EID2: variants seen among roughly 807,000 people sequenced by gnomAD.
EID2 encodes EP300-interacting inhibitor of differentiation 2.
EID2 carries 1 observed loss-of-function variant against 2.6 expected under a neutral mutation model. The observed-to-expected ratio is 0.39, with a 90% CI of 0.14 to 1.85. The LOEUF is 1.85. Among genes scored for constraint, EID2 ranks in the 40% most tolerant of loss-of-function variants. The pLI, the probability that EID2 is intolerant of heterozygous loss-of-function variation, is 0.32. For missense variants in EID2, 285 were observed against 338.4 expected (o/e 0.84, Z 1.24); for synonymous variants, 126 against 147.2 (o/e 0.86, Z 1.04).
Position 39,540,137 on chromosome 19 carries a change from C to T in EID2, c.-58G>A, listed in dbSNP as rs1481851171. The stretch of plus-strand genomic sequence containing the variant: ...GAGAAACTGGAATAACTGGACAGAG[C>T]GATGCCCGGCGGACACCCCAGTGCG... On this transcript the variant is annotated 5_prime_UTR_variant, in exon 1 of 1. Coordinates refer to ENST00000390658, the MANE Select transcript of EID2 (RefSeq NM_153232.4). 9 of 1,562,716 alleles carry T rather than the reference C, an allele frequency of 5.8e-6. No homozygotes were observed. Among genetic ancestry groups the T allele is most frequent in the Non-Finnish European group, 7.8e-6 (9 of 1,154,152 alleles).
At position 39,539,857 on chromosome 19, in the gene EID2, TG is replaced by T; in HGVS notation, c.222del (p.Arg75GlyfsTer75). On this transcript the variant is annotated frameshift_variant, in exon 1 of 1. Coordinates refer to ENST00000390658, the MANE Select transcript of EID2 (RefSeq NM_153232.4). LOFTEE classifies it low-confidence loss of function (END_TRUNC). Reference sequence around the variant, plus strand: ...GCCGCCGCTGCCACCGGGGCTCCCCTGGCTGCCGCCGCCGGGGCTGCCCTGG... The same window carrying T: ...GCCGCCGCTGCCACCGGGGCTCCCCTGCTGCCGCCGCCGGGGCTGCCCTGG... Reference protein sequence around the residue: ...AAARAAPAAAARGAPVAAAAL... With the variant: ...AAARAAPAAAXRGAPVAAAAL... 7.5e-7 allele frequency: 1 copy of T among 1,331,780 alleles called. No homozygotes were observed. Among genetic ancestry groups the T allele is most frequent in the South Asian group, 2.1e-5 (1 of 48,178 alleles). The allele number at this position is 1,331,780 out of a possible 1,614,324, so 82.5% of individuals were successfully genotyped here. A position where few individuals can be genotyped will look rare whatever the true frequency, so the allele number is the denominator to read the frequency against.
chr19:39,539,502 T>C lies in EID2; in HGVS notation c.578A>G (p.Asp193Gly). 1 of 1,614,270 alleles carries C rather than the reference T, an allele frequency of 6.2e-7. No homozygotes were observed. The highest frequency in any genetic ancestry group is 8.5e-7 in the Non-Finnish European group (1 of 1,180,052). Residue 193 changes from aspartate to glycine, a missense_variant, in exon 1 of 1, where the codon GAT becomes GGT. Coordinates refer to ENST00000390658, the MANE Select transcript of EID2 (RefSeq NM_153232.4). ...GTGAGGATTTCGCTGATATTCGGCA[T>C]CAAACGCTGCTTCCCTTGCTCTGCA... Reference protein sequence around the residue: ...EACRAREAAFDAEYQRNPHRV... With the variant: ...EACRAREAAFGAEYQRNPHRV...
Position 39,539,808 on chromosome 19 carries a change from C to T in EID2, c.272G>A (p.Gly91Asp). Residue 91 changes from glycine (G) to aspartate (D), a missense_variant, in exon 1 of 1, where the codon GGC (glycine) becomes GAC (aspartate). Coordinates refer to ENST00000390658, the MANE Select transcript of EID2 (RefSeq NM_153232.4). ...AAALARAAAA[G>D]RESPAAAAAR... is the part of the protein sequence containing the mutation. Reference sequence around the variant, plus strand: ...CGCCGCCGCCGCCGGGCTTTCCCTGCCCGCCGCGGCTGCCCTGGCCAACGC... The same window carrying T: ...CGCCGCCGCCGCCGGGCTTTCCCTGTCCGCCGCGGCTGCCCTGGCCAACGC... The T allele has an allele frequency of 2.6e-6, 4 of 1,563,200 alleles. No individual in the cohort carries two copies. Among genetic ancestry groups the T allele is most frequent in the Non-Finnish European group, 3.4e-6 (4 of 1,161,356 alleles).
Position 39,539,307 on chromosome 19 carries a change from C to A in EID2, c.*62G>T. On this transcript the variant is annotated 3_prime_UTR_variant, in exon 1 of 1. Transcript: ENST00000390658. The stretch of plus-strand genomic sequence containing the variant: ...CGATATACTCTTGACTTCTGAAAAT[C>A]AAGTTGCAGGATTGGTATGACTGGA... 1.4e-6 allele frequency: 2 copies of A among 1,469,278 alleles called. No homozygotes were observed. The highest frequency in any genetic ancestry group is 1.9e-6 in the Non-Finnish European group (2 of 1,066,542). The allele number at this position is 1,469,278 out of a possible 1,614,324, so 91.0% of individuals were successfully genotyped here. A position where few individuals can be genotyped will look rare whatever the true frequency, so the allele number is the denominator to read the frequency against.
Position 39,539,327 on chromosome 19 carries a change from A to T in EID2, c.*42T>A. On this transcript the variant is annotated 3_prime_UTR_variant, in exon 1 of 1. Coordinates refer to ENST00000390658, the MANE Select transcript of EID2 (RefSeq NM_153232.4). ...AAAATCAAGTTGCAGGATTGGTATG[A>T]CTGGAATGCAGAGGTTCTCTTGAAG... 1 of 1,551,632 alleles carries T rather than the reference A, an allele frequency of 6.4e-7. No homozygotes were observed. The highest frequency in any genetic ancestry group is 8.9e-7 in the Non-Finnish European group (1 of 1,128,826).
chr19:39,539,709 C>T lies in EID2; in HGVS notation c.371G>A (p.Arg124Lys), dbSNP rs1216134569. 2 of 1,613,834 alleles carry T rather than the reference C, an allele frequency of 1.2e-6. No individual in the cohort carries two copies. The highest frequency in any genetic ancestry group is 1.7e-6 in the Non-Finnish European group (2 of 1,180,000). Residue 124 changes from arginine (R) to lysine (K), a missense_variant, in exon 1 of 1, where the codon AGG becomes AAG. By Grantham distance (26) the Arg-to-Lys change is conservative. Coordinates refer to ENST00000390658, the MANE Select transcript of EID2 (RefSeq NM_153232.4). ...TCCGTTCCCGTGTCTGGACCTGGGC[C>T]TGCCCTCGGGACCCTCTTCGTCCAC... ...EPVDEEGPEG[R>K]PRSRHGNGGL...
chr19:39,539,368 A>C lies in EID2; in HGVS notation c.*1T>G, dbSNP rs188264868. On this transcript the variant is annotated 3_prime_UTR_variant, in exon 1 of 1. Coordinates refer to ENST00000390658, the MANE Select transcript of EID2 (RefSeq NM_153232.4). ...TCTCTTGAAGTAGTGTCACCACATA[A>C]CTATTCTCTATTGATAAACTTATCG... 3 of 1,611,914 alleles carry C rather than the reference A, an allele frequency of 1.9e-6. No homozygotes were observed. Among genetic ancestry groups the C allele is most frequent in the Non-Finnish European group, 2.5e-6 (3 of 1,178,144 alleles).
At position 39,539,695 on chromosome 19, in the gene EID2, G is replaced by A. The variant is rs766980168; in HGVS notation, c.385C>T (p.His129Tyr). ...AACGCAGCCAGGCCTCCGTTCCCGT[G>A]TCTGGACCTGGGCCTGCCCTCGGGA... Reference protein sequence around the residue: ...EGPEGRPRSRHGNGGLAALPY... With the variant: ...EGPEGRPRSRYGNGGLAALPY... The change falls in exon 1 of 1, where the codon CAC (histidine) becomes TAC (tyrosine). Residue 129 changes from histidine (H) to tyrosine (Y), a missense_variant. Physicochemically the swap from His to Tyr is moderately conservative, Grantham distance 83. Coordinates refer to ENST00000390658, the MANE Select transcript of EID2 (RefSeq NM_153232.4). The A allele has an allele frequency of 6.2e-7, 1 of 1,614,142 alleles. No individual in the cohort carries two copies. The highest frequency in any genetic ancestry group is 1.7e-5 in the Admixed American group (1 of 60,032).
At position 39,539,525 on chromosome 19, in the gene EID2, G is replaced by A. The variant is rs1184409881; in HGVS notation, c.555C>T (p.Cys185=). The change falls in exon 1 of 1, where the codon TGC becomes TGT. Residue 185 remains cysteine, a synonymous_variant. Transcript: ENST00000390658. The stretch of plus-strand genomic sequence containing the variant: ...CATCAAACGCTGCTTCCCTTGCTCT[G>A]CAGGCTTCCACGAATCGCCTGCGGC... The part of the protein sequence containing the change: ...EERRRRFVEA[C]RAREAAFDAE... 6.2e-7 allele frequency: 1 copy of A among 1,614,252 alleles called. No individual in the cohort carries two copies. The highest frequency in any genetic ancestry group is 1.1e-5 in the South Asian group (1 of 91,090).
chr19:39,540,124 T>A lies in EID2; in HGVS notation c.-45A>T. 6.3e-7 allele frequency: 1 copy of A among 1,579,666 alleles called. No individual in the cohort carries two copies. The highest frequency in any genetic ancestry group is 8.6e-7 in the Non-Finnish European group (1 of 1,164,374). The stretch of plus-strand genomic sequence containing the variant: ...TCGGCTGCTCCCAGAGAAACTGGAA[T>A]AACTGGACAGAGCGATGCCCGGCGG... On this transcript the variant is annotated 5_prime_UTR_variant, in exon 1 of 1. Coordinates refer to ENST00000390658, the MANE Select transcript of EID2 (RefSeq NM_153232.4).
rs754498911 is a variant in EID2, at chr19:39,539,584, T to C, written c.496A>G (p.Ile166Val). 7.4e-6 allele frequency: 12 copies of C among 1,614,182 alleles called. No individual in the cohort carries two copies. The highest frequency in any genetic ancestry group is 1.6e-4 in the Middle Eastern group (1 of 6,062). The change falls in exon 1 of 1, where the codon ATT becomes GTT. Residue 166 changes from isoleucine (I) to valine (V), a missense_variant. By Grantham distance (29) the Ile-to-Val change is conservative. Coordinates refer to ENST00000390658, the MANE Select transcript of EID2 (RefSeq NM_153232.4). The part of the protein sequence containing the change: ...FLRHYLENYP[I>V]APGRIQELEE... ...AGCTCTTGTATTCTGCCGGGAGCAA[T>C]CGGGTAATTTTCCAGATAGTGGCGG... is the stretch of plus-strand genomic sequence containing the variant.
rs1275322575 is a variant in EID2 at position 39,539,599 on chromosome 19, G to T, written c.481C>A (p.Leu161Met). The T allele has an allele frequency of 6.2e-7, 1 of 1,614,282 alleles. No homozygotes were observed. The highest frequency in any genetic ancestry group is 1.7e-5 in the Admixed American group (1 of 60,034). Reference protein sequence around the residue: ...INYQQFLRHYLENYPIAPGRI... With the variant: ...INYQQFLRHYMENYPIAPGRI... ...CCGGGAGCAATCGGGTAATTTTCCA[G>T]ATAGTGGCGGAGAAACTGCTGGTAA... The change falls in exon 1 of 1, where the codon CTG becomes ATG. Residue 161 changes from leucine (L) to methionine (M), a missense_variant. Coordinates refer to ENST00000390658, the MANE Select transcript of EID2 (RefSeq NM_153232.4).
rs1972049287 is a variant in EID2, at chr19:39,538,785, T to C, written c.*584A>G. 1 of 152,126 alleles carries C rather than the reference T, an allele frequency of 6.6e-6. No homozygotes were observed. The allele number at this position is 152,126 out of a possible 1,614,324, so 9.4% of individuals were successfully genotyped here. A position where few individuals can be genotyped will look rare whatever the true frequency, so the allele number is the denominator to read the frequency against. On this transcript the variant is annotated 3_prime_UTR_variant, in exon 1 of 1. Coordinates refer to ENST00000390658, the MANE Select transcript of EID2 (RefSeq NM_153232.4). ...CAAAAAAACTTTAAAAATTAAAAAT[T>C]GAAAGAAAAAAGTCCAGAAATTTGA...
rs141893929 is a variant in EID2, at chr19:39,539,186, A to C, written c.*183T>G. On this transcript the variant is annotated 3_prime_UTR_variant, in exon 1 of 1. Transcript: ENST00000390658. ...AAACTCAAAGAACGTTACAGTTATA[A>C]TGCTTTCGACATTTTTTTCTACTTC... The C allele has an allele frequency of 3.4e-6, 2 of 591,896 alleles. No individual in the cohort carries two copies. Among genetic ancestry groups the C allele is most frequent in the East Asian group, 5.8e-5 (2 of 34,760 alleles). The allele number at this position is 591,896 out of a possible 1,614,324, so 36.7% of individuals were successfully genotyped here.
In EID2 at chr19:39,539,665, A is replaced by C. The variant is rs780114375; in HGVS notation, c.415T>G (p.Tyr139Asp). The change falls in exon 1 of 1, where the codon TAT becomes GAT. Residue 139 changes from tyrosine (Y) to aspartate (D), a missense_variant. Physicochemically the swap from Tyr to Asp is radical, Grantham distance 160. Coordinates refer to ENST00000390658, the MANE Select transcript of EID2 (RefSeq NM_153232.4). The stretch of plus-strand genomic sequence containing the variant: ...CTAAGTGGGTGGCGGAGACGGAGAT[A>C]GGGCAACGCAGCCAGGCCTCCGTTC... ...HGNGGLAALP[Y>D]LRLRHPLSVL... 1.2e-5 allele frequency: 19 copies of C among 1,614,112 alleles called. No individual in the cohort carries two copies. The highest frequency in any genetic ancestry group is 1.6e-5 in the Non-Finnish European group (19 of 1,180,040).
rs762351467 is a variant in EID2, at chr19:39,540,142, C to T, written c.-63G>A. 27 of 1,558,752 alleles carry T rather than the reference C, an allele frequency of 1.7e-5. No individual in the cohort carries two copies. Among genetic ancestry groups the T allele is most frequent in the African/African-American group, 9.9e-5 (7 of 71,030 alleles). On this transcript the variant is annotated 5_prime_UTR_variant, in exon 1 of 1. Transcript: ENST00000390658. Reference sequence around the variant, plus strand: ...ACTGGAATAACTGGACAGAGCGATGCCCGGCGGACACCCCAGTGCGCGTGC... The same window carrying T: ...ACTGGAATAACTGGACAGAGCGATGTCCGGCGGACACCCCAGTGCGCGTGC...
Position 39,539,156 on chromosome 19 carries a change from A to G in EID2, c.*213T>C, listed in dbSNP as rs1972052406. On this transcript the variant is annotated 3_prime_UTR_variant, in exon 1 of 1. Coordinates refer to ENST00000390658, the MANE Select transcript of EID2 (RefSeq NM_153232.4). ...AATGCAGGGGGAAAAATGTGGATCA[A>G]TCACAAACTCAAAGAACGTTACAGT... 1.2e-5 allele frequency: 6 copies of G among 504,596 alleles called. No individual in the cohort carries two copies. In the East Asian group the frequency reaches 2.0e-4, roughly 17 times the overall value. The allele number at this position is 504,596 out of a possible 1,614,324, so 31.3% of individuals were successfully genotyped here.
rs1207855910 is a variant in EID2, at chr19:39,539,936, C to T, written c.144G>A (p.Ala48=). The change falls in exon 1 of 1, where the codon GCG becomes GCA. Residue 48 remains alanine, a synonymous_variant. Transcript: ENST00000390658. ...CCGGCACCGGGCCTCCCCTGGCCGC[C>T]GCCATCGCGCCTTCCCCGGCCTCCT... is the stretch of plus-strand genomic sequence containing the variant. ...QPEEAGEGAM[A]AARGGPVPAA... 1.3e-6 allele frequency: 2 copies of T among 1,513,220 alleles called. No individual in the cohort carries two copies. The highest frequency in any genetic ancestry group is 2.9e-5 in the African/African-American group (2 of 70,152). The allele number at this position is 1,513,220 out of a possible 1,614,324, so 93.7% of individuals were successfully genotyped here.
rs1202437012 is a variant in EID2 at position 39,539,499 on chromosome 19, G to C, written c.581C>G (p.Ala194Gly). ...CCTGTGAGGATTTCGCTGATATTCG[G>C]CATCAAACGCTGCTTCCCTTGCTCT... Reference protein sequence around the residue: ...ACRAREAAFDAEYQRNPHRVD... With the variant: ...ACRAREAAFDGEYQRNPHRVD... The change falls in exon 1 of 1, where the codon GCC (alanine) becomes GGC (glycine). Residue 194 changes from alanine to glycine, a missense_variant. Coordinates refer to ENST00000390658, the MANE Select transcript of EID2 (RefSeq NM_153232.4). The C allele has an allele frequency of 6.8e-6, 11 of 1,614,246 alleles. No homozygotes were observed. The highest frequency in any genetic ancestry group is 8.5e-6 in the Non-Finnish European group (10 of 1,180,052).
Sources: gnomAD v4.1 joint callset for allele counts on GRCh38, gnomAD v4.1.1 for gene constraint, MANE v1.5 for transcripts, NCBI Gene and HGNC (gene_info 2026-07-23, HGNC 2026-07-21) for gene names.